The following NRAP variants were observed in gnomAD, a reference collection of about 807,000 sequenced individuals.
NRAP encodes the protein nebulin-related-anchoring protein.
NRAP carries 189 observed loss-of-function variants against 225.9 expected under a neutral mutation model. The ratio of observed to expected loss-of-function variants is 0.84; its 90% CI spans 0.74 to 0.94. The LOEUF is 0.94. NRAP is among the 40% of genes least tolerant of loss of function. The pLI is 0.00. For synonymous variants in NRAP, 769 were observed against 790.7 expected, an observed-to-expected ratio of 0.97 and a Z score of 0.46; for missense variants, 2,176 against 2,168.7, an observed-to-expected ratio of 1.00 and a Z score of -0.07.
chr10:113,643,143 G>T, intron 11 of NRAP, 105 bp from the exon 12 acceptor site: 1 of 622,752 alleles, frequency 1.6e-6, no homozygotes, highest in Non-Finnish European at 2.9e-6. Context: ...TTCAACCCAA[G>T]ATTTTAACAT....
chr10:113,618,412 T>C (rs2133966540), intron 25 of NRAP, among the ~76,000 whole-genome samples: 1 of 152,370 alleles, frequency 6.6e-6, no homozygotes, highest in East Asian at 1.9e-4. Flanking sequence ...CAGCTAAATC[T>C]AGCTCACCAC....
Position 113,646,905 on chromosome 10 carries a change from C to A in NRAP, c.993+18G>T. 1 of 1,555,648 alleles carries A rather than the reference C, an allele frequency of 6.4e-7. No individual in the cohort carries two copies. Among genetic ancestry groups the A allele is most frequent in the South Asian group, 1.1e-5 (1 of 89,922 alleles). On this transcript the variant is annotated intron_variant, in intron 10 of 41. Transcript: ENST00000359988. ...TTCTCTGCCTCTGGCTCTGTGGTCA[C>A]ACCTACATGGTACTTACGTCACTAG...
intron 6 of NRAP, among the ~76,000 whole-genome samples, chr10:113,652,623 AAAAT>A (rs1479347283): frequency 6.6e-5 from 10 of 151,868 alleles, no homozygotes; most frequent in South Asian, 6.2e-4. Flanking sequence ...AATAAAAATA[AAAAT>A]AAATAAATAA....
At chr10:113,599,272 C>G (rs1357498848) in intron 35 of NRAP, among the ~76,000 whole-genome samples, 4 of 152,202 alleles carry the variant, frequency 2.6e-5, no homozygotes, top group African/African-American at 9.6e-5. Context: ...TGCCCCTGTG[C>G]AAATTCGACT....
At chr10:113,621,080 T>C (rs1847961024) in intron 24 of NRAP, among the ~76,000 whole-genome samples, 1 of 152,164 alleles carries the variant, frequency 6.6e-6, no homozygotes, top group African/African-American at 2.4e-5. Context: ...AAATGAGAAT[T>C]CACAACAGAA....
rs1380400309 is a variant in NRAP, at chr10:113,604,988, T to C, written c.3916-68A>G. 4 of 1,529,766 alleles carry C rather than the reference T, an allele frequency of 2.6e-6. No homozygotes were observed. In the Middle Eastern group the frequency reaches 5.3e-4, roughly 202 times the overall value. The allele number at this position is 1,529,766 out of a possible 1,614,324, so 94.8% of individuals were successfully genotyped here. A position where few individuals can be genotyped will look rare whatever the true frequency, so the allele number is the denominator to read the frequency against. ...TCATTGCAGACTCTAGAAAAATCAC[T>C]TGTTCTTACACTAGGAGGTGATGAT... is the stretch of plus-strand genomic sequence containing the variant. On this transcript the variant is annotated intron_variant, in intron 34 of 41. Transcript: ENST00000359988.
chr10:113,597,243 G>T, intron 36 of NRAP, 59 bp from the exon 37 acceptor site: 2 of 1,090,522 alleles, frequency 1.8e-6, no homozygotes, highest in Non-Finnish European at 2.8e-6. Context: ...CATCTTTCAG[G>T]GTGCAGCTTC....
intron 14 of NRAP, among the ~76,000 whole-genome samples, chr10:113,634,755 A>T (rs1848766374): frequency 6.6e-6 from 1 of 152,330 alleles, no homozygotes; most frequent in East Asian, 1.9e-4. Flanking sequence ...AAAGCAGTAT[A>T]TCCACACATA....
chr10:113,664,020 C>G lies in NRAP; in HGVS notation c.-138G>C. 1 of 671,794 alleles carries G rather than the reference C, an allele frequency of 1.5e-6. No homozygotes were observed. Among genetic ancestry groups the G allele is most frequent in the East Asian group, 2.7e-5 (1 of 36,476 alleles). 41.6% of individuals were successfully genotyped at this position (671,794 alleles called of 1,614,324 possible). A position where few individuals can be genotyped will look rare whatever the true frequency, so the allele number is the denominator to read the frequency against. ...CCTCGATCTTTCAGAATCCAACTTC[C>G]ACTTTCCTTTGCTGACCTTCTAGTT... On this transcript the variant is annotated 5_prime_UTR_variant, in exon 1 of 42. Transcript: ENST00000359988.
intron 3 of NRAP, among the ~76,000 whole-genome samples, chr10:113,658,046 G>C (rs1295689859): frequency 6.6e-6 from 1 of 152,074 alleles, no homozygotes; most frequent in East Asian, 1.9e-4. Context: ...TATAGATAAG[G>C]GTCAAGGTTC....
At position 113,610,524 on chromosome 10, in the gene NRAP, C is replaced by G; in HGVS notation, c.3538G>C (p.Ala1180Pro). The G allele has an allele frequency of 6.2e-7, 1 of 1,603,698 alleles. No individual in the cohort carries two copies. Among genetic ancestry groups the G allele is most frequent in the Non-Finnish European group, 8.5e-7 (1 of 1,170,504 alleles). The change falls in exon 31 of 42, where the codon GCA becomes CCA. Residue 1180 changes from alanine to proline, a missense_variant. Coordinates refer to ENST00000359988, the MANE Select transcript of NRAP (RefSeq NM_198060.4). ...TCTAACGTGCCTGGAATGACACATG[C>G]AACACCTCGCATAAAGTTCAGGTCT... The part of the protein sequence containing the change: ...RSDLNFMRGV[A>P]CVIPGTLEIE...
intron 14 of NRAP, among the ~76,000 whole-genome samples, chr10:113,639,842 A>C (rs1238436761): frequency 6.6e-6 from 1 of 152,216 alleles, no homozygotes; most frequent in Non-Finnish European, 1.5e-5. Flanking sequence ...TAGACATTTT[A>C]TTTTACTTCC....
intron 38 of NRAP, among the ~76,000 whole-genome samples, chr10:113,594,172 T>C (rs1350665694): frequency 6.6e-6 from 1 of 152,228 alleles, no homozygotes; most frequent in Non-Finnish European, 1.5e-5. Context: ...AGTCATTTGA[T>C]TTTTAGTTAT....
chr10:113,633,618 G>A (rs116094240), intron 15 of NRAP, among the ~76,000 whole-genome samples: 262 of 152,156 alleles, frequency 1.7e-3, no homozygotes, highest in African/African-American at 5.9e-3. Context: ...GGATGAATAC[G>A]GCATCATCCG....
intron 16 of NRAP, 135 bp from the exon 17 acceptor site, chr10:113,632,099 A>G (rs1848613555): frequency 3.1e-6 from 2 of 651,134 alleles, no homozygotes; most frequent in Non-Finnish European, 5.5e-6. Flanking sequence ...CAAAATGATA[A>G]CAGTAATTAT....
chr10:113,628,351 C>G (rs1034377448), intron 20 of NRAP, among the ~76,000 whole-genome samples: 1 of 152,082 alleles, frequency 6.6e-6, no homozygotes, highest in African/African-American at 2.4e-5. Flanking sequence ...CCACACCTGG[C>G]TGATTTTTTT....
chr10:113,630,565 T>C (rs990997637), intron 18 of NRAP, among the ~76,000 whole-genome samples: 1 of 152,212 alleles, frequency 6.6e-6, no homozygotes, highest in African/African-American at 2.4e-5. Context: ...TCTAATTTGC[T>C]ACCCCTCTAC....
Position 113,610,475 on chromosome 10 carries a change from G to A in NRAP, c.3587C>T (p.Ser1196Leu), listed in dbSNP as rs1847261648. The stretch of plus-strand genomic sequence containing the variant: ...TGTAGTTACCTCACTGATGAGTTCC[G>A]ATGCTTTCTTCCTCCCTTCAATCTC... ...TLEIEGRKKA[S>L]ELISESKYRQ... The change falls in exon 31 of 42, where the codon TCG becomes TTG. Residue 1196 changes from serine (S) to leucine (L), a missense_variant. By Grantham distance (145) the Ser-to-Leu change is moderately radical. Transcript: ENST00000359988. 10 of 1,565,916 alleles carry A rather than the reference G, an allele frequency of 6.4e-6. No homozygotes were observed. The highest frequency in any genetic ancestry group is 1.7e-4 in the Middle Eastern group (1 of 5,984).
intron 39 of NRAP, among the ~76,000 whole-genome samples, chr10:113,591,599 C>T (rs1162107457): frequency 1.3e-5 from 2 of 152,242 alleles, no homozygotes; most frequent in African/African-American, 4.8e-5. Flanking sequence ...CCCAGGTGCG[C>T]CTCCGTCTAG....
Sources: allele counts gnomAD v4.1 joint callset (sites outside exome capture counted in the v4.1 genomes callset), GRCh38; gene constraint gnomAD v4.1.1; transcripts MANE v1.5; gene names NCBI Gene and HGNC (gene_info 2026-07-23, HGNC 2026-07-21).